Variants in NRG1 observed in about 807,000 individuals in gnomAD.
NRG1 encodes neuregulin 1, also known as pro-neuregulin-1, membrane-bound isoform.
A neutral mutation model predicts 63.8 loss-of-function variants in NRG1; 18 were observed. That is an observed-to-expected ratio of 0.28 (90% CI 0.19 to 0.42). The LOEUF (loss-of-function observed/expected upper bound fraction) is 0.42, where lower values mean the gene tolerates loss of function less well. Among genes scored for constraint, NRG1 ranks in the 10% least tolerant of loss-of-function variants. The probability of loss-of-function intolerance (pLI) is 1.00; values close to 1 mark genes in which losing one functional copy is unlikely to be tolerated. For missense variants in NRG1, 762 were observed against 814.7 expected (o/e 0.94, Z 0.79); for synonymous variants, 302 against 301.3 (o/e 1.00, Z -0.02).
intron 7 of NRG1, among the ~76,000 whole-genome samples, chr8:32,773,852 G>A (rs1375778188): frequency 6.6e-6 from 1 of 152,126 alleles, no homozygotes; most frequent in East Asian, 1.9e-4. Context: ...CTTGTCTCCA[G>A]CCTTCATTCT....
chr8:32,533,091 C>A (rs1020925162), intron 1 of NRG1, among the ~76,000 whole-genome samples: 1 of 150,576 alleles, frequency 6.6e-6, no homozygotes, highest in Non-Finnish European at 1.5e-5. Flanking sequence ...CTTTATCTTT[C>A]ATAATTACGG....
chr8:32,771,715 A>AAAAAAAC (rs1343943621), downstream of NRG1, among the ~76,000 whole-genome samples: 1 of 111,848 alleles, frequency 8.9e-6, no homozygotes, highest in Non-Finnish European at 1.8e-5. Context: ...TTAAAAAAAA[A>AAAAAAAC]ATATATATAT....
In NRG1 at chr8:32,742,302, A is replaced by G. The variant is rs1426478022; in HGVS notation, c.633-373A>G. 1.3e-5 allele frequency among the ~76,000 whole-genome samples: 2 copies of G among 152,140 alleles called. No homozygotes were observed. Among genetic ancestry groups the G allele is most frequent in the African/African-American group, 2.4e-5 (1 of 41,454 alleles). Reference sequence around the variant, plus strand: ...CCAGTCACGATGGCCCGTGATGCTGACAAACTATTGCAGGCAAGCCAACCG... The same window carrying G: ...CCAGTCACGATGGCCCGTGATGCTGGCAAACTATTGCAGGCAAGCCAACCG... On this transcript the variant is annotated intron_variant, in intron 6 of 11. Transcript: ENST00000356819. This position sits in a 1 kb window ranked among gnomAD's most constrained non-coding sequence, Gnocchi z 4.2.
rs537772156 is a variant in NRG1 at position 32,378,159 on chromosome 8, T to C, written c.38-217669T>C. Among the ~76,000 whole-genome samples, 20 of 152,040 alleles carry C rather than the reference T, an allele frequency of 1.3e-4. No individual in the cohort carries two copies. The South Asian group carries it at 3.7e-3, about 28-fold the overall frequency. On this transcript the variant is annotated intron_variant, in intron 1 of 10. Coordinates refer to the NRG1 transcript ENST00000519301. ...ATATTTAGGAGGTCAGTTGGTGTTA[T>C]GAAAAGATAAGGGAGAAAGAAGGAA...
intron 5 of NRG1, among the ~76,000 whole-genome samples, chr8:32,646,539 C>G (rs1400264496): frequency 6.6e-6 from 1 of 152,124 alleles, no homozygotes; most frequent in East Asian, 1.9e-4. Context: ...AAGGTCCCAC[C>G]TACACCACCC....
At chr8:32,257,431 T>A (rs577379628) in intron 1 of NRG1, among the ~76,000 whole-genome samples, 10 of 152,342 alleles carry the variant, frequency 6.6e-5, no homozygotes, top group African/African-American at 2.4e-4. Context: ...AACTTTTCCT[T>A]CTCACATTCA....
intron 1 of NRG1, among the ~76,000 whole-genome samples, chr8:32,117,292 A>G (rs1832863006): frequency 6.6e-6 from 1 of 152,194 alleles, no homozygotes; most frequent in Non-Finnish European, 1.5e-5. Context: ...GATATTTGTT[A>G]TTAATAAAAG....
chr8:32,535,588 C>CCATGTTCT (rs1287189052), intron 1 of NRG1, among the ~76,000 whole-genome samples: 2 of 152,140 alleles, frequency 1.3e-5, no homozygotes, highest in Non-Finnish European at 2.9e-5. Flanking sequence ...GGTGTCCATT[C>CCATGTTCT]CATGTTCTGT....
chr8:32,087,726 C>T (rs1828481988), intron 1 of NRG1, among the ~76,000 whole-genome samples: 1 of 152,014 alleles, frequency 6.6e-6, no homozygotes, highest in South Asian at 2.1e-4. Flanking sequence ...GCCTCAGGCT[C>T]CCAAAGTGCT....
chr8:31,978,533 G>T (rs1379508512), intron 1 of NRG1, among the ~76,000 whole-genome samples: 1 of 152,042 alleles, frequency 6.6e-6, no homozygotes, highest in Non-Finnish European at 1.5e-5. Context: ...ATCTCCGATG[G>T]ATTAATGTTG....
intron 1 of NRG1, among the ~76,000 whole-genome samples, chr8:31,935,382 C>T (rs1011998263): frequency 6.6e-6 from 1 of 152,098 alleles, no homozygotes; most frequent in African/African-American, 2.4e-5. Flanking sequence ...CTCAGCCTCC[C>T]AAAGTACTAG....
intron 1 of NRG1, among the ~76,000 whole-genome samples, chr8:31,674,905 C>G (rs1807524706): frequency 6.6e-6 from 1 of 152,120 alleles, no homozygotes; most frequent in African/African-American, 2.4e-5. Context: ...GTAGCACTAT[C>G]CTTTCCTTAC....
intron 1 of NRG1, among the ~76,000 whole-genome samples, chr8:32,324,532 A>G (rs1223615303): frequency 6.6e-6 from 1 of 152,186 alleles, no homozygotes; most frequent in Non-Finnish European, 1.5e-5. Context: ...GGCATCTCTG[A>G]AACAAGCTGA....
chr8:31,816,266 A>G (rs1823434920), intron 1 of NRG1, among the ~76,000 whole-genome samples: 1 of 152,086 alleles, frequency 6.6e-6, no homozygotes, highest in African/African-American at 2.4e-5. Flanking sequence ...TTGTTGGGGG[A>G]ACACATGTCC....
intron 1 of NRG1, among the ~76,000 whole-genome samples, chr8:32,158,448 G>GATATATATATACATATATATATATATAT (rs1838404999): frequency 1.6e-5 from 1 of 62,184 alleles, no homozygotes; most frequent in Non-Finnish European, 3.9e-5. Context: ...TGGTTTACAT[G>GATATATATATACATATATATATATATAT]ATATATATAT....
intron 1 of NRG1, among the ~76,000 whole-genome samples, chr8:32,301,856 G>T (rs1855603859): frequency 6.6e-6 from 1 of 152,066 alleles, no homozygotes. Context: ...ATGAGATTTG[G>T]GTGGGGACAC....
At chr8:31,886,787 A>G (rs1830749777) in intron 1 of NRG1, among the ~76,000 whole-genome samples, 1 of 152,068 alleles carries the variant, frequency 6.6e-6, no homozygotes. Context: ...TGGAAGCTAC[A>G]AAGCTTCTCC....
At chr8:32,592,924 CACAA>C (rs1278195691) in intron 1 of NRG1, among the ~76,000 whole-genome samples, 1 of 152,120 alleles carries the variant, frequency 6.6e-6, no homozygotes, top group Non-Finnish European at 1.5e-5. Flanking sequence ...TTATCGATCA[CACAA>C]ACAGTTGATT....
chr8:32,372,071 G>A (rs1228894361), intron 1 of NRG1, among the ~76,000 whole-genome samples: 1 of 143,368 alleles, frequency 7.0e-6, no homozygotes, highest in African/African-American at 2.6e-5. Context: ...TGACTGTGGT[G>A]TCAACCTCCC....
Sources: allele counts gnomAD v4.1 joint callset (sites outside exome capture counted in the v4.1 genomes callset), GRCh38; gene constraint gnomAD v4.1.1; non-coding constraint Gnocchi (gnomAD v3.1); transcripts MANE v1.5; gene names NCBI Gene and HGNC (gene_info 2026-07-23, HGNC 2026-07-21).